The following ITGB3 variants were observed in gnomAD, a reference collection of about 807,000 sequenced individuals.
ITGB3 encodes integrin subunit beta 3.
ITGB3 carries 48 observed loss-of-function variants against 85.8 expected under a neutral mutation model. The ratio of observed to expected loss-of-function variants is 0.56; its 90% CI spans 0.44 to 0.71. The LOEUF (loss-of-function observed/expected upper bound fraction) is 0.71. ITGB3 is among the 30% of genes least tolerant of loss of function. The pLI, the probability that ITGB3 is intolerant of heterozygous loss-of-function variation, is 0.00. For synonymous variants in ITGB3, 363 were observed against 395.6 expected (o/e 0.92, Z 0.98); for missense variants, 861 against 1,019.1 (o/e 0.84, Z 2.11).
In ITGB3 at chr17:47,289,847, A is replaced by G; in HGVS notation, c.1035+71A>G. On this transcript the variant is annotated intron_variant, in intron 7 of 14. Transcript: ENST00000559488. ...GTGCCCCAGGTAGCCAGCCTGTGCT[A>G]GCATTGGATACAGTCCCCAATCAGG... is the stretch of plus-strand genomic sequence containing the variant. The G allele has an allele frequency of 2.9e-6, 3 of 1,044,844 alleles. No individual in the cohort carries two copies. In the South Asian group the frequency reaches 3.8e-5, roughly 13 times the overall value. 64.7% of individuals were successfully genotyped at this position (1,044,844 alleles called of 1,614,324 possible).
chr17:47,294,135 G>C (rs1436839919), intron 10 of ITGB3, among the ~76,000 whole-genome samples: 2 of 152,212 alleles, frequency 1.3e-5, no homozygotes, highest in Non-Finnish European at 2.9e-5. Flanking sequence ...GATTAGGGGA[G>C]AGCAAGAGAT....
At chr17:47,270,272 CTG>C (rs2065039807) in intron 1 of ITGB3, among the ~76,000 whole-genome samples, 1 of 152,202 alleles carries the variant, frequency 6.6e-6, no homozygotes, top group Admixed American at 6.5e-5. Context: ...TCTTGTGCTT[CTG>C]TCTCTTGTGA....
In ITGB3 at chr17:47,286,300, G is replaced by C; in HGVS notation, c.655G>C (p.Val219Leu). The change falls in exon 5 of 15, where the codon GTG becomes CTG. Residue 219 changes from valine (V) to leucine (L), a missense_variant. Coordinates refer to ENST00000559488, the MANE Select transcript of ITGB3 (RefSeq NM_000212.3). ...CTTGCCCATGTTTGGCTACAAACAC[G>C]TGCTGACGCTAACTGACCAGGTGAC... is the stretch of plus-strand genomic sequence containing the variant. The part of the protein sequence containing the change: ...TCLPMFGYKH[V>L]LTLTDQVTRF... 1 of 1,614,160 alleles carries C rather than the reference G, an allele frequency of 6.2e-7. No individual in the cohort carries two copies. The highest frequency in any genetic ancestry group is 8.5e-7 in the Non-Finnish European group (1 of 1,180,030).
intron 1 of ITGB3, among the ~76,000 whole-genome samples, chr17:47,265,839 T>G (rs1295107139): frequency 1.3e-5 from 2 of 152,206 alleles, no homozygotes; most frequent in Non-Finnish European, 2.9e-5. Context: ...TATACTATAT[T>G]CATAGTGTTA....
Position 47,300,655 on chromosome 17 carries a change from T to C in ITGB3, c.2014+77T>C. The stretch of plus-strand genomic sequence containing the variant: ...AATTCAATCCCAGAACCTATCCAAC[T>C]CCCACCTGTAAAATGGAAGCGTGAC... On this transcript the variant is annotated intron_variant, in intron 12 of 14. Transcript: ENST00000559488. 2.8e-6 allele frequency: 3 copies of C among 1,059,436 alleles called. No individual in the cohort carries two copies. In the South Asian group the frequency reaches 4.0e-5, roughly 14 times the overall value. The allele number at this position is 1,059,436 out of a possible 1,614,324, so 65.6% of individuals were successfully genotyped here. A position where few individuals can be genotyped will look rare whatever the true frequency, so the allele number is the denominator to read the frequency against.
intron 1 of ITGB3, among the ~76,000 whole-genome samples, chr17:47,268,904 A>C (rs1181952405): frequency 1.3e-5 from 2 of 152,230 alleles, no homozygotes; most frequent in African/African-American, 4.8e-5. Flanking sequence ...GCCTTGTAGC[A>C]AACTTCTGCC....
rs151170176 is a variant in ITGB3 at position 47,308,184 on chromosome 17, T to TAATAATAATAATAATAATAATAATAA, written c.2301+552_2301+553insTAATAATAATAATAATAATAAAATAA. Among the ~76,000 whole-genome samples the TAATAATAATAATAATAATAATAATAA allele has an allele frequency of 7.5e-3, 1,117 of 148,592 alleles. 15 individuals are homozygous for TAATAATAATAATAATAATAATAATAA. The highest frequency in any genetic ancestry group is 0.027 in the African/African-American group (1,076 of 40,388). On this transcript the variant is annotated intron_variant, in intron 14 of 14. Coordinates refer to ENST00000559488, the MANE Select transcript of ITGB3 (RefSeq NM_000212.3). ...AAAATAATAATAATAATAATAATAA[T>TAATAATAATAATAATAATAATAATAA]AATAAAATAAAATAAAAGGTTACTT...
intron 14 of ITGB3, among the ~76,000 whole-genome samples, chr17:47,309,662 G>C (rs1044182606): frequency 6.6e-6 from 1 of 152,144 alleles, no homozygotes; most frequent in Non-Finnish European, 1.5e-5. Context: ...GGGAGGCTGA[G>C]GCAGGTGGAT....
chr17:47,255,359 G>A (rs1428146894), intron 1 of ITGB3, among the ~76,000 whole-genome samples: 1 of 152,082 alleles, frequency 6.6e-6, no homozygotes, highest in Admixed American at 6.5e-5. Context: ...AGTGATTCCC[G>A]TCAAGACTCT....
At chr17:47,289,499 T>A (rs575742132) in intron 6 of ITGB3, among the ~76,000 whole-genome samples, 182 bp from the exon 7 acceptor site, 15 of 151,980 alleles carry the variant, frequency 9.9e-5, no homozygotes, top group South Asian at 2.1e-4. Flanking sequence ...ATAAAAAAAA[T>A]TTTTTTGTAG....
chr17:47,265,873 G>C (rs1282405112), intron 1 of ITGB3, among the ~76,000 whole-genome samples: 2 of 152,106 alleles, frequency 1.3e-5, no homozygotes, highest in Admixed American at 1.3e-4. Flanking sequence ...ATGGTGCCTG[G>C]GTTCTCTACT....
At chr17:47,284,338 G>T in intron 3 of ITGB3, 105 bp from the exon 4 acceptor site, 1 of 1,350,544 alleles carries the variant, frequency 7.4e-7, no homozygotes, top group Non-Finnish European at 1.0e-6. Flanking sequence ...AGGGCTTTCT[G>T]GTTTGCTTTG....
intron 14 of ITGB3, 62 bp downstream of exon 14, chr17:47,307,699 C>A: frequency 6.6e-7 from 1 of 1,522,168 alleles, no homozygotes. Context: ...GTGGAAGCAG[C>A]AGATGCTTTG....
rs114520380 is a variant in ITGB3, at chr17:47,290,426, C to T, written c.1125+152C>T. On this transcript the variant is annotated intron_variant, in intron 8 of 14. Coordinates refer to ENST00000559488, the MANE Select transcript of ITGB3 (RefSeq NM_000212.3). ...CCCAGAGCCCAGGCAATGGCCCGCT[C>T]TAGAAGGGATGCAGCCTTCTGAGAA... is the stretch of plus-strand genomic sequence containing the variant. 4.9e-5 allele frequency: 35 copies of T among 715,494 alleles called. No individual in the cohort carries two copies. In the East Asian group the frequency reaches 8.0e-4, roughly 16 times the overall value. 44.3% of individuals were successfully genotyped at this position (715,494 alleles called of 1,614,324 possible). A position where few individuals can be genotyped will look rare whatever the true frequency, so the allele number is the denominator to read the frequency against.
Position 47,284,603 on chromosome 17 carries a change from C to T in ITGB3, c.522C>T (p.Asn174=), listed in dbSNP as rs2065095991. The change falls in exon 4 of 15, where the codon AAC becomes AAT. Residue 174 remains asparagine, a synonymous_variant. Coordinates refer to ENST00000559488, the MANE Select transcript of ITGB3 (RefSeq NM_000212.3). ...LATQMRKLTS[N]LRIGFGAFVD... The stretch of plus-strand genomic sequence containing the variant: ...CCCAGATGCGAAAGCTCACCAGTAA[C>T]CTGCGGATTGGCTTCGGGGCATTTG... 1.2e-6 allele frequency: 2 copies of T among 1,614,108 alleles called. No homozygotes were observed. The highest frequency in any genetic ancestry group is 1.7e-6 in the Non-Finnish European group (2 of 1,180,012).
At chr17:47,263,555 T>C (rs1365723786) in intron 1 of ITGB3, among the ~76,000 whole-genome samples, 1 of 140,608 alleles carries the variant, frequency 7.1e-6, no homozygotes, top group Non-Finnish European at 1.5e-5. Flanking sequence ...AGTGGCACGA[T>C]CTTGGCTCAC....
chr17:47,290,027 C>T (rs530021193), intron 7 of ITGB3, among the ~76,000 whole-genome samples, 158 bp from the exon 8 acceptor site: 2 of 152,226 alleles, frequency 1.3e-5, no homozygotes, highest in Non-Finnish European at 1.5e-5. Context: ...TTGCTCAGGG[C>T]TGAAAAACTG....
At chr17:47,260,580 A>G (rs2065005526) in intron 1 of ITGB3, among the ~76,000 whole-genome samples, 1 of 152,184 alleles carries the variant, frequency 6.6e-6, no homozygotes, top group Admixed American at 6.5e-5. Flanking sequence ...GGTCTGTGAG[A>G]TCCACTGATG....
At chr17:47,298,118 A>T (rs1036137806) in intron 10 of ITGB3, among the ~76,000 whole-genome samples, 10 of 152,112 alleles carry the variant, frequency 6.6e-5, no homozygotes, top group Non-Finnish European at 1.3e-4. Flanking sequence ...TGTAACTTTA[A>T]ATAATTAATT....
Sources: gnomAD v4.1 joint callset for allele counts (sites outside exome capture counted in the v4.1 genomes callset) on GRCh38, gnomAD v4.1.1 for gene constraint, MANE v1.5 for transcripts, NCBI Gene and HGNC (gene_info 2026-07-23, HGNC 2026-07-21) for gene names.